Variants in GRIK1 observed in about 807,000 individuals in gnomAD.
GRIK1 encodes glutamate receptor ionotropic, kainate 1.
Under a neutral mutation model 105.7 loss-of-function variants are expected in GRIK1, and 69 were observed. That is an observed-to-expected ratio of 0.65 (90% CI 0.54 to 0.80). The LOEUF (loss-of-function observed/expected upper bound fraction) is 0.80, where lower values mean the gene tolerates loss of function less well. GRIK1 is among the 30% of genes least tolerant of loss of function. GRIK1 has a pLI of 0.00. For synonymous variants in GRIK1, 438 were observed against 431.3 expected (o/e 1.02, Z -0.19); for missense variants, 1,109 against 1,167.3 (o/e 0.95, Z 0.73).
chr21:29,821,337 G>A lies in GRIK1; in HGVS notation c.118+118046C>T, dbSNP rs1330516262. On this transcript the variant is annotated intron_variant, in intron 1 of 17. Transcript: ENST00000327783. ...GAATTGTCTGCAACTGCAGTTGCAGGCCTCAGTCTATGGCACATATCAAGC... is the reference window on the plus strand; with the variant it reads ...GAATTGTCTGCAACTGCAGTTGCAGACCTCAGTCTATGGCACATATCAAGC... Among the ~76,000 whole-genome samples the A allele has an allele frequency of 2.6e-5, 4 of 152,028 alleles. No individual in the cohort carries two copies. In the South Asian group the frequency reaches 6.2e-4, roughly 24 times the overall value.
At chr21:29,749,630 A>T (rs1007977354) in intron 1 of GRIK1, among the ~76,000 whole-genome samples, 4 of 152,194 alleles carry the variant, frequency 2.6e-5, no homozygotes, top group Admixed American at 6.5e-5. Context: ...GAGTGCAGAC[A>T]CTTTAATGTG....
chr21:29,846,977 A>G (rs2068144254), intron 1 of GRIK1, among the ~76,000 whole-genome samples: 1 of 152,226 alleles, frequency 6.6e-6, no homozygotes, highest in African/African-American at 2.4e-5. Context: ...TTTGAGTAAC[A>G]GTATGGCATA....
At chr21:29,710,064 A>C (rs1213120294) in intron 1 of GRIK1, among the ~76,000 whole-genome samples, 1 of 151,588 alleles carries the variant, frequency 6.6e-6, no homozygotes, top group Non-Finnish European at 1.5e-5. Flanking sequence ...AATATAATAC[A>C]ATAAATGCAA....
intron 2 of GRIK1, 66 bp from the exon 3 acceptor site, chr21:29,690,051 T>A (rs2063558219): frequency 2.4e-6 from 3 of 1,267,850 alleles, no homozygotes; most frequent in South Asian, 1.3e-5. Flanking sequence ...AAAAAGAGAG[T>A]TCTATGAATT....
chr21:29,698,155 T>C (rs1214893261), intron 1 of GRIK1, among the ~76,000 whole-genome samples: 1 of 152,062 alleles, frequency 6.6e-6, no homozygotes, highest in Non-Finnish European at 1.5e-5. Flanking sequence ...GGGGTCTTCA[T>C]GTTGTGAACC....
chr21:29,564,731 C>T (rs972246184), intron 14 of GRIK1, among the ~76,000 whole-genome samples: 3 of 152,216 alleles, frequency 2.0e-5, no homozygotes, highest in Non-Finnish European at 4.4e-5. Flanking sequence ...GTCATACCAC[C>T]TGTGACTCAC....
intron 7 of GRIK1, among the ~76,000 whole-genome samples, chr21:29,600,530 C>T (rs1258335836): frequency 1.3e-5 from 2 of 152,126 alleles, no homozygotes; most frequent in Non-Finnish European, 2.9e-5. Context: ...CTGTTTTTCT[C>T]CCTCTTGACT....
intron 1 of GRIK1, among the ~76,000 whole-genome samples, chr21:29,827,974 GAT>G (rs2067508581): frequency 9.0e-6 from 1 of 111,306 alleles, no homozygotes; most frequent in Non-Finnish European, 2.0e-5. Context: ...ATATAGTTAG[GAT>G]CTCTCTCTCT....
intron 1 of GRIK1, among the ~76,000 whole-genome samples, chr21:29,718,299 T>C (rs1348435135): frequency 6.6e-6 from 1 of 152,210 alleles, no homozygotes; most frequent in Non-Finnish European, 1.5e-5. Flanking sequence ...AGTTGGCAAA[T>C]GTAAGAGTCT....
intron 1 of GRIK1, among the ~76,000 whole-genome samples, chr21:29,918,586 G>C (rs1257937339): frequency 6.6e-6 from 1 of 151,860 alleles, no homozygotes. Context: ...ATCTATTTCT[G>C]GCATATTTCA....
intron 1 of GRIK1, among the ~76,000 whole-genome samples, chr21:29,836,841 C>G (rs1174310630): frequency 6.6e-6 from 1 of 152,102 alleles, no homozygotes; most frequent in Non-Finnish European, 1.5e-5. Flanking sequence ...TTTCAAAATT[C>G]TCTTCTATTA....
chr21:29,710,925 T>C (rs1326508471), intron 1 of GRIK1, among the ~76,000 whole-genome samples: 1 of 151,272 alleles, frequency 6.6e-6, no homozygotes, highest in Non-Finnish European at 1.5e-5. Context: ...TTTTATCTGC[T>C]TTAAAATTTA....
At chr21:29,905,838 G>C (rs1430100676) in intron 1 of GRIK1, among the ~76,000 whole-genome samples, 1 of 152,106 alleles carries the variant, frequency 6.6e-6, no homozygotes. Flanking sequence ...ATGTTGGCCA[G>C]GCTGGACTTG....
At chr21:29,866,233 A>C (rs1054131390) in intron 1 of GRIK1, among the ~76,000 whole-genome samples, 1 of 152,074 alleles carries the variant, frequency 6.6e-6, no homozygotes, top group Admixed American at 6.6e-5. Flanking sequence ...GTATAGGTAC[A>C]CACCACCAAG....
At chr21:29,766,155 T>A (rs1168757936) in intron 1 of GRIK1, among the ~76,000 whole-genome samples, 1 of 152,116 alleles carries the variant, frequency 6.6e-6, no homozygotes, top group Non-Finnish European at 1.5e-5. Context: ...GGCCAGAAAG[T>A]TCTTCTTTAG....
intron 1 of GRIK1, among the ~76,000 whole-genome samples, chr21:29,722,535 G>C (rs1027655818): frequency 2.0e-5 from 3 of 148,830 alleles, no homozygotes; most frequent in Non-Finnish European, 3.0e-5. Context: ...CAGCCTGGGT[G>C]ACTGAGAGAG....
chr21:29,658,873 C>A (rs2062906933), intron 4 of GRIK1, among the ~76,000 whole-genome samples: 1 of 152,166 alleles, frequency 6.6e-6, no homozygotes, highest in South Asian at 2.1e-4. Flanking sequence ...CTCCAGAGAT[C>A]TCAGTTCCCT....
chr21:29,927,927 T>C (rs183122585), intron 1 of GRIK1, among the ~76,000 whole-genome samples: 1 of 152,124 alleles, frequency 6.6e-6, no homozygotes, highest in East Asian at 1.9e-4. Flanking sequence ...CACATATACA[T>C]ATATATACAC....
Position 29,785,947 on chromosome 21 carries a change from T to C in GRIK1, c.119-91884A>G, listed in dbSNP as rs571566825. On this transcript the variant is annotated intron_variant, in intron 1 of 17. Transcript: ENST00000327783. ...GGACTGTGGCAGCATTACCCCAATC[T>C]CTGCCTTTGTCTTCTCCTTCCCTCT... Among the ~76,000 whole-genome samples, 4 of 152,048 alleles carry C rather than the reference T, an allele frequency of 2.6e-5. No homozygotes were observed. In the South Asian group the frequency reaches 8.3e-4, roughly 32 times the overall value.
Sources: allele counts gnomAD v4.1 joint callset (sites outside exome capture counted in the v4.1 genomes callset), GRCh38; gene constraint gnomAD v4.1.1; transcripts MANE v1.5; gene names NCBI Gene and HGNC (gene_info 2026-07-23, HGNC 2026-07-21).